The following ZNF559 variants were observed in gnomAD, a reference collection of about 807,000 sequenced individuals.
ZNF559 encodes putative protein product of Nbla00121.
In ZNF559, 17 loss-of-function variants were observed where a neutral mutation model predicts 14.2. The ratio of observed to expected loss-of-function variants is 1.20; its 90% CI spans 0.82 to 1.80. The LOEUF is 1.80. Ranked by LOEUF, ZNF559 falls within the 40% of genes most tolerant of loss-of-function variation. The pLI, the probability that ZNF559 is intolerant of heterozygous loss-of-function variation, is 0.00. For missense variants in ZNF559, 740 were observed against 629.7 expected, an observed-to-expected ratio of 1.18 and a Z score of -1.88; for synonymous variants, 244 against 212.4, an observed-to-expected ratio of 1.15 and a Z score of -1.29.
In ZNF559 at chr19:9,327,515, C is replaced by T. The variant is rs927603460; in HGVS notation, c.-120+2735C>T. 2.6e-5 allele frequency among the ~76,000 whole-genome samples: 4 copies of T among 152,330 alleles called. No homozygotes were observed. In the East Asian group the frequency reaches 5.8e-4, roughly 22 times the overall value. On this transcript the variant is annotated intron_variant, in intron 2 of 6. Coordinates refer to ENST00000603380, the MANE Select transcript of ZNF559 (RefSeq NM_032497.3). ...CCTCCCGCCTCGGCCTCCCAAAGTG[C>T]TGGAATTACAGGCATGAGCTACCGC... is the stretch of plus-strand genomic sequence containing the variant.
chr19:9,329,161 A>C (rs1180502807), intron 2 of ZNF559, among the ~76,000 whole-genome samples: 3 of 152,140 alleles, frequency 2.0e-5, no homozygotes. Flanking sequence ...ATCATAGTTT[A>C]TTATTCCTGT....
intron 2 of ZNF559, chr19:9,333,140 T>G (rs868737075): frequency 6.6e-6 from 1 of 152,142 alleles, no homozygotes; most frequent in Non-Finnish European, 1.5e-5. Context: ...CTGGTGAAGA[T>G]TTGTATTTTT....
At position 9,342,505 on chromosome 19, in the gene ZNF559, C is replaced by A. The variant is rs375248615; in HGVS notation, c.1054C>A (p.Pro352Thr). 1.9e-5 allele frequency: 30 copies of A among 1,614,014 alleles called. No homozygotes were observed. Among genetic ancestry groups the A allele is most frequent in the African/African-American group, 2.7e-5 (2 of 74,900 alleles). ...KHRRTHTGEK[P>T]YECKECGKAF... ...CAGGCGAACTCACACTGGAGAAAAG[C>A]CTTATGAATGTAAGGAATGTGGGAA... is the stretch of plus-strand genomic sequence containing the variant. Residue 352 changes from proline (P) to threonine (T), a missense_variant, in exon 7 of 7, where the codon CCT becomes ACT. Pro to Thr is a conservative substitution (Grantham distance 38, BLOSUM62 -1). Transcript: ENST00000603380.
chr19:9,339,356 C>A (rs750039893), intron 5 of ZNF559, 37 bp downstream of exon 5: 1 of 1,569,682 alleles, frequency 6.4e-7, no homozygotes, highest in Non-Finnish European at 8.6e-7. Flanking sequence ...TAGTTTTTTT[C>A]TGGAACAAAT....
In ZNF559 at chr19:9,339,767, CTTT is replaced by C. The variant is rs200842205; in HGVS notation, c.160+465_160+467del. ...TTTGTTATCCCTTGCACATTCTTTACTTTTTTTTTTTTTTTTTTTGAGACAGAG... is the reference window on the plus strand; with the variant it reads ...TTTGTTATCCCTTGCACATTCTTTACTTTTTTTTTTTTTTTTGAGACAGAG... On this transcript the variant is annotated intron_variant, in intron 5 of 6. Coordinates refer to ENST00000603380, the MANE Select transcript of ZNF559 (RefSeq NM_032497.3). Among the ~76,000 whole-genome samples, 94 of 134,568 alleles carry C rather than the reference CTTT, an allele frequency of 7.0e-4. 1 individual carries two copies. The South Asian group carries it at 0.014, about 20-fold the overall frequency. 88.3% of individuals were successfully genotyped at this position (134,568 alleles called of 152,430 possible).
chr19:9,343,058 A>G lies in ZNF559; in HGVS notation c.1607A>G (p.Glu536Gly), dbSNP rs775965709. The part of the protein sequence containing the change: ...QTFSNSSCLT[E>G]CV ...TTTAGTAATTCCTCATGCCTTACTG[A>G]ATGTGTGTGAATTGGGGCTGATACT... Residue 536 changes from glutamate to glycine, a missense_variant, in exon 7 of 7, where the codon GAA (glutamate) becomes GGA (glycine). Coordinates refer to ENST00000603380, the MANE Select transcript of ZNF559 (RefSeq NM_032497.3). 3 of 1,608,734 alleles carry G rather than the reference A, an allele frequency of 1.9e-6. No homozygotes were observed. The highest frequency in any genetic ancestry group is 3.4e-5 in the Admixed American group (2 of 59,638).
rs2067654811 is a variant in ZNF559 at position 9,343,107 on chromosome 19, T to G, written c.*39T>G. The G allele has an allele frequency of 1.3e-6, 2 of 1,574,286 alleles. No individual in the cohort carries two copies. The highest frequency in any genetic ancestry group is 2.4e-5 in the South Asian group (2 of 84,240). On this transcript the variant is annotated 3_prime_UTR_variant, in exon 7 of 7. Coordinates refer to ENST00000603380, the MANE Select transcript of ZNF559 (RefSeq NM_032497.3). ...CTTGGAAAGAATGTGGTAAAGCCAC[T>G]ACTTCCTCACACTTACTGAACATGT...
chr19:9,337,946 TG>T (rs1276785729), intron 3 of ZNF559, 88 bp downstream of exon 3: 1 of 1,535,942 alleles, frequency 6.5e-7, no homozygotes, highest in Non-Finnish European at 8.7e-7. Flanking sequence ...GAAGAGACTT[TG>T]GGAACAAGAT....
chr19:9,327,912 G>A (rs6512049), intron 2 of ZNF559, among the ~76,000 whole-genome samples: 72,403 of 151,920 alleles, frequency 0.48, 17,413 homozygotes, highest in Middle Eastern at 0.52. Context: ...AGTTCACTTT[G>A]TATTTTCCTC....
Position 9,324,575 on chromosome 19 carries a change from C to CT in ZNF559, c.-205-118dup, listed in dbSNP as rs111626606. 4,588 of 1,164,650 alleles carry CT rather than the reference C, an allele frequency of 3.9e-3. 143 individuals carry two copies. In the African/African-American group the frequency reaches 0.067, roughly 17 times the overall value. The allele number at this position is 1,164,650 out of a possible 1,614,324, so 72.1% of individuals were successfully genotyped here. On this transcript the variant is annotated intron_variant, in intron 1 of 6. Coordinates refer to ENST00000603380, the MANE Select transcript of ZNF559 (RefSeq NM_032497.3). ...TTGGGCGGATTGGGTAGGAGGATTA[C>CT]TTGAGGCCAGGAGTTCAAGACCAGG...
intron 2 of ZNF559, among the ~76,000 whole-genome samples, chr19:9,331,239 A>G (rs1157991190): frequency 6.6e-6 from 1 of 152,166 alleles, no homozygotes; most frequent in Admixed American, 6.6e-5. Context: ...TCCCATGAAG[A>G]AATAATGTGC....
intron 2 of ZNF559, chr19:9,330,049 G>C (rs1371199763): frequency 1.3e-5 from 2 of 152,138 alleles, no homozygotes; most frequent in African/African-American, 4.8e-5. Flanking sequence ...ATGATGACTT[G>C]TTATTACCAT....
At chr19:9,337,012 A>C (rs1006121725) in intron 2 of ZNF559, among the ~76,000 whole-genome samples, 5 of 152,214 alleles carry the variant, frequency 3.3e-5, no homozygotes, top group African/African-American at 1.2e-4. Flanking sequence ...GAAGTCTAGA[A>C]GAAACCAGGC....
Position 9,343,499 on chromosome 19 carries a change from T to C in ZNF559, c.*431T>C. On this transcript the variant is annotated 3_prime_UTR_variant, in exon 7 of 7. Transcript: ENST00000603380. ...TAAGGAATGTGTTGAAACCTTTCACTCTGCCTTATACCTTAATATTCAGCT... is the reference window on the plus strand; with the variant it reads ...TAAGGAATGTGTTGAAACCTTTCACCCTGCCTTATACCTTAATATTCAGCT... 2.0e-6 allele frequency: 2 copies of C among 1,018,728 alleles called. No individual in the cohort carries two copies. The highest frequency in any genetic ancestry group is 3.9e-5 in the South Asian group (1 of 25,590). The allele number at this position is 1,018,728 out of a possible 1,614,324, so 63.1% of individuals were successfully genotyped here.
chr19:9,331,906 G>T (rs1004919120), intron 2 of ZNF559, among the ~76,000 whole-genome samples: 1 of 152,114 alleles, frequency 6.6e-6, no homozygotes, highest in Non-Finnish European at 1.5e-5. Flanking sequence ...TCAGACCCCT[G>T]TGGAAAACAG....
rs775091479 is a variant in ZNF559 at position 9,342,640 on chromosome 19, A to G, written c.1189A>G (p.Lys397Glu). The G allele has an allele frequency of 1.2e-6, 2 of 1,614,172 alleles. No homozygotes were observed. Among genetic ancestry groups the G allele is most frequent in the Non-Finnish European group, 1.7e-6 (2 of 1,180,024 alleles). ...AGCCTTTATTAATTCCTCTTCCTTT[A>G]AAAGTCACATGCAGACTCATCCTGG... ...GKAFINSSSFKSHMQTHPGVK... is the reference protein window; with the variant it reads ...GKAFINSSSFESHMQTHPGVK... Residue 397 changes from lysine to glutamate, a missense_variant, in exon 7 of 7, where the codon AAA (lysine) becomes GAA (glutamate). Coordinates refer to ENST00000603380, the MANE Select transcript of ZNF559 (RefSeq NM_032497.3).
At chr19:9,327,873 C>G (rs558315965) in intron 2 of ZNF559, among the ~76,000 whole-genome samples, 1 of 152,130 alleles carries the variant, frequency 6.6e-6, no homozygotes, top group Admixed American at 6.5e-5. Context: ...TGACACAACT[C>G]TACTAATCTG....
chr19:9,323,778 C>T, upstream of ZNF559: 1 of 189,760 alleles, frequency 5.3e-6, no homozygotes, highest in Middle Eastern at 2.1e-3. Flanking sequence ...GCTTCATTTA[C>T]AGGAGGTGAG....
chr19:9,327,454 G>A (rs571977268), intron 2 of ZNF559, among the ~76,000 whole-genome samples: 152 of 152,180 alleles, frequency 1.0e-3, no homozygotes, highest in Non-Finnish European at 4.0e-4. Flanking sequence ...CACCCATGTT[G>A]GTCAGGCTGG....
Sources: gnomAD v4.1 joint callset for allele counts (sites outside exome capture counted in the v4.1 genomes callset) on GRCh38, gnomAD v4.1.1 for gene constraint, MANE v1.5 for transcripts, NCBI Gene and HGNC (gene_info 2026-07-23, HGNC 2026-07-21) for gene names.